TENM4: variants seen among roughly 807,000 people sequenced by gnomAD.
TENM4 encodes teneurin-4.
A neutral mutation model predicts 243.3 loss-of-function variants in TENM4; 82 were observed. That is an observed-to-expected ratio of 0.34 (90% CI 0.28 to 0.40). The LOEUF (loss-of-function observed/expected upper bound fraction) is 0.40. Among genes scored for constraint, TENM4 ranks in the 10% least tolerant of loss-of-function variants. TENM4 has a pLI of 1.00. For missense variants in TENM4, 3,138 were observed against 3,673.3 expected (o/e 0.85, Z 3.77); for synonymous variants, 1,412 against 1,456.3 (o/e 0.97, Z 0.69).
intron 1 of TENM4, among the ~76,000 whole-genome samples, chr11:79,386,775 A>T (rs1858121480): frequency 1.3e-5 from 2 of 152,074 alleles, no homozygotes; most frequent in South Asian, 4.2e-4. Flanking sequence ...GTGAGCAAAA[A>T]AATTTTTTTT....
intron 2 of TENM4, among the ~76,000 whole-genome samples, chr11:79,258,252 G>A (rs1565272216): frequency 6.6e-6 from 1 of 152,154 alleles, no homozygotes; most frequent in Non-Finnish European, 1.5e-5. Context: ...GTGTAAAATG[G>A]AGACAACTAC....
At chr11:79,243,615 G>T (rs1453766473) in intron 2 of TENM4, among the ~76,000 whole-genome samples, 3 of 152,198 alleles carry the variant, frequency 2.0e-5, no homozygotes, top group East Asian at 1.9e-4. Context: ...CTGTCTCCAG[G>T]GTGGGCCAGT....
intron 2 of TENM4, among the ~76,000 whole-genome samples, chr11:79,243,386 CTCTT>C (rs1376551327): frequency 2.0e-5 from 3 of 152,160 alleles, no homozygotes; most frequent in African/African-American, 4.8e-5. Context: ...TGGAGCAACT[CTCTT>C]TCTGAATTTG....
At chr11:78,774,165 ATTAT>A (rs1856697142) in intron 17 of TENM4, among the ~76,000 whole-genome samples, 1 of 152,196 alleles carries the variant, frequency 6.6e-6, no homozygotes, top group South Asian at 2.1e-4. Context: ...ATATATATCA[ATTAT>A]TTATCACAGT....
rs767795288 is a variant in TENM4, at chr11:78,732,596, T to A, written c.2877-19A>T. ...GTCAAAGCTGTTTGGGAGGGGAAGG[T>A]TGAGAAGGGGCGGGGAGCAGGAAGA... On this transcript the variant is annotated intron_variant, in intron 20 of 33. Coordinates refer to ENST00000278550, the MANE Select transcript of TENM4 (RefSeq NM_001098816.3). The A allele has an allele frequency of 1.3e-6, 2 of 1,579,886 alleles. No individual in the cohort carries two copies. The highest frequency in any genetic ancestry group is 2.3e-5 in the South Asian group (2 of 86,850).
intron 2 of TENM4, among the ~76,000 whole-genome samples, chr11:79,291,745 T>C (rs1856361034): frequency 6.6e-6 from 1 of 152,216 alleles, no homozygotes; most frequent in Non-Finnish European, 1.5e-5. Flanking sequence ...AAGCCCTGGT[T>C]CCACCCAAAG....
At chr11:78,912,934 T>G (rs1306864242) in intron 6 of TENM4, among the ~76,000 whole-genome samples, 3 of 152,208 alleles carry the variant, frequency 2.0e-5, no homozygotes, top group Non-Finnish European at 2.9e-5. Flanking sequence ...CTTATCCCAA[T>G]CAGCGGCTAA....
chr11:79,013,122 T>C (rs537466376), intron 6 of TENM4, among the ~76,000 whole-genome samples: 6 of 152,296 alleles, frequency 3.9e-5, no homozygotes, highest in Admixed American at 3.3e-4. Context: ...TGGCTGATAT[T>C]ATGGTGCCTC....
intron 7 of TENM4, among the ~76,000 whole-genome samples, chr11:78,894,577 A>C (rs962707817): frequency 2.0e-5 from 3 of 152,168 alleles, no homozygotes; most frequent in African/African-American, 7.2e-5. Context: ...GCAACAGAGT[A>C]AAGGATTTCT....
chr11:78,970,135 G>A (rs999844832), intron 6 of TENM4, among the ~76,000 whole-genome samples: 7 of 152,180 alleles, frequency 4.6e-5, no homozygotes, highest in African/African-American at 1.7e-4. Context: ...TCTGCGGCTC[G>A]TGGAGGGTCA....
At chr11:79,378,289 C>T (rs1857932453) in intron 1 of TENM4, among the ~76,000 whole-genome samples, 1 of 152,146 alleles carries the variant, frequency 6.6e-6, no homozygotes, top group Non-Finnish European at 1.5e-5. Context: ...AGTAGGGGGC[C>T]TGGGGCCCTT....
intron 4 of TENM4, among the ~76,000 whole-genome samples, chr11:79,142,768 C>G (rs1045280809): frequency 6.6e-6 from 1 of 152,040 alleles, no homozygotes; most frequent in Admixed American, 6.6e-5. Flanking sequence ...CAGCATGGTA[C>G]TGGTATAAAA....
intron 1 of TENM4, among the ~76,000 whole-genome samples, chr11:79,342,209 T>C (rs976583756): frequency 2.0e-5 from 3 of 152,108 alleles, no homozygotes; most frequent in Non-Finnish European, 4.4e-5. Context: ...AGAATGCAGA[T>C]ATGGAGAGGT....
At chr11:79,404,106 G>A (rs1380744631) in intron 1 of TENM4, among the ~76,000 whole-genome samples, 2 of 152,262 alleles carry the variant, frequency 1.3e-5, no homozygotes, top group East Asian at 1.9e-4. Flanking sequence ...TCATGGCAAA[G>A]CTTCTTACAA....
intron 2 of TENM4, among the ~76,000 whole-genome samples, chr11:79,296,274 T>C (rs1228770151): frequency 6.6e-6 from 1 of 152,040 alleles, no homozygotes; most frequent in Non-Finnish European, 1.5e-5. Context: ...TCATTAAGCT[T>C]TGGTAAAAAA....
intron 1 of TENM4, among the ~76,000 whole-genome samples, chr11:79,428,632 T>G (rs1324625240): frequency 6.6e-6 from 1 of 152,186 alleles, no homozygotes; most frequent in African/African-American, 2.4e-5. Flanking sequence ...GGCCAGGCAT[T>G]TCCCAGCACT....
intron 29 of TENM4, among the ~76,000 whole-genome samples, chr11:78,684,233 A>G (rs949222): frequency 0.64 from 97,502 of 152,090 alleles, 32,151 homozygotes; most frequent in Non-Finnish European, 0.71. Flanking sequence ...AGGCTACTTC[A>G]GCTCAGGTTC....
intron 6 of TENM4, among the ~76,000 whole-genome samples, chr11:79,025,507 G>T (rs889915684): frequency 6.6e-6 from 1 of 152,200 alleles, no homozygotes; most frequent in African/African-American, 2.4e-5. Flanking sequence ...AGCATAAGTA[G>T]CTATCATTTA....
At chr11:79,261,524 G>A (rs1018822743) in intron 2 of TENM4, among the ~76,000 whole-genome samples, 1 of 152,120 alleles carries the variant, frequency 6.6e-6, no homozygotes, top group Non-Finnish European at 1.5e-5. Flanking sequence ...GCTTGGCTTG[G>A]GAATGAGCCC....
Sources: gnomAD v4.1 joint callset for allele counts (sites outside exome capture counted in the v4.1 genomes callset) on GRCh38, gnomAD v4.1.1 for gene constraint, MANE v1.5 for transcripts, NCBI Gene and HGNC (gene_info 2026-07-23, HGNC 2026-07-21) for gene names.